ZNF469: variants seen among roughly 807,000 people sequenced by gnomAD.
ZNF469 encodes the protein zinc finger protein 469.
Under a neutral mutation model 1.0 loss-of-function variants are expected in ZNF469, and 1 was observed. The observed-to-expected ratio is 1.00, with a 90% confidence interval of 0.35 to 4.73. The LOEUF (loss-of-function observed/expected upper bound fraction) is 4.73. ZNF469 is among the 30% of genes most tolerant of loss of function. The probability of loss-of-function intolerance (pLI) is 0.16; values close to 1 mark genes in which losing one functional copy is unlikely to be tolerated. For synonymous variants in ZNF469, 2,703 were observed against 2,363.4 expected, an observed-to-expected ratio of 1.14 and a Z score of -4.17; for missense variants, 6,100 against 5,356.3, an observed-to-expected ratio of 1.14 and a Z score of -4.33.
the ZNF469 span, among the ~76,000 whole-genome samples, chr16:88,196,306 C>G: frequency 1.3e-5 from 2 of 152,310 alleles, no homozygotes; most frequent in East Asian, 3.9e-4. Context: ...TGGCCTGGGT[C>G]AGGTCAGGTG....
the ZNF469 span, among the ~76,000 whole-genome samples, chr16:88,332,851 G>A: frequency 3.3e-5 from 5 of 152,204 alleles, no homozygotes; most frequent in African/African-American, 1.2e-4. Context: ...TTTCACAGAC[G>A]AGAAGACCAA....
the ZNF469 span, among the ~76,000 whole-genome samples, chr16:88,112,647 G>C: frequency 6.6e-6 from 1 of 152,084 alleles, no homozygotes; most frequent in Non-Finnish European, 1.5e-5. Flanking sequence ...CTTTCCTATA[G>C]AGTTGTTTGA....
chr16:88,355,819 C>T, the ZNF469 span, among the ~76,000 whole-genome samples: 2 of 152,250 alleles, frequency 1.3e-5, no homozygotes, highest in East Asian at 1.9e-4. Flanking sequence ...GACCTGGACC[C>T]GAAAGAGGTG....
At chr16:88,343,306 T>A in the ZNF469 span, among the ~76,000 whole-genome samples, 25 of 152,114 alleles carry the variant, frequency 1.6e-4, no homozygotes, top group African/African-American at 5.3e-4. Context: ...AGAATAAACA[T>A]CCACGAGCCC....
the ZNF469 span, among the ~76,000 whole-genome samples, chr16:88,192,786 A>ATGGTGATGATGGTGGTGATG: frequency 6.6e-6 from 1 of 150,586 alleles, no homozygotes. Flanking sequence ...TGGTGGTGAT[A>ATGGTGATGATGGTGGTGATG]GTGGTGATGA....
the ZNF469 span, among the ~76,000 whole-genome samples, chr16:88,142,234 G>T: frequency 2.0e-5 from 3 of 152,300 alleles, no homozygotes; most frequent in South Asian, 2.1e-4. Flanking sequence ...CCGGCTGGGC[G>T]GGGGGTCTGG....
chr16:88,279,138 C>A, the ZNF469 span, among the ~76,000 whole-genome samples: 998 of 126,288 alleles, frequency 7.9e-3, 46 homozygotes, highest in African/African-American at 0.026. Context: ...TAGTGCTGCA[C>A]CACGCCGACA....
the ZNF469 span, among the ~76,000 whole-genome samples, chr16:88,241,379 T>C: frequency 4.6e-3 from 697 of 150,636 alleles, 6 homozygotes; most frequent in African/African-American, 0.016. This position sits in a 1 kb window ranked among gnomAD's most constrained non-coding sequence, Gnocchi z 4.8. Flanking sequence ...AAAAGCCCTA[T>C]TGTCACATGA....
At chr16:88,355,887 G>A in the ZNF469 span, among the ~76,000 whole-genome samples, 2 of 152,158 alleles carry the variant, frequency 1.3e-5, no homozygotes, top group African/African-American at 4.8e-5. Context: ...GCCCTCGGCG[G>A]CCGCCTCTTG....
chr16:88,207,418 G>T, the ZNF469 span, among the ~76,000 whole-genome samples: 1 of 140,438 alleles, frequency 7.1e-6, no homozygotes, highest in African/African-American at 2.6e-5. Flanking sequence ...GGGAGGCCGC[G>T]GGGACAGCGG....
chr16:88,176,399 G>C, the ZNF469 span, among the ~76,000 whole-genome samples: 14 of 149,898 alleles, frequency 9.3e-5, no homozygotes, highest in East Asian at 2.7e-3. Context: ...GGGGGAGCTG[G>C]CTGGGACACC....
the ZNF469 span, among the ~76,000 whole-genome samples, chr16:88,366,494 CCACCAT>C: frequency 0.1 from 15,650 of 150,368 alleles, 815 homozygotes; most frequent in Middle Eastern, 0.13. Flanking sequence ...ATCATCACCA[CCACCAT>C]CACCATCACT....
chr16:88,136,829 C>A, the ZNF469 span, among the ~76,000 whole-genome samples: 1 of 152,202 alleles, frequency 6.6e-6, no homozygotes, highest in African/African-American at 2.4e-5. Context: ...GAGCTCAGGT[C>A]GGTGCAGTTT....
chr16:88,342,755 G>T, the ZNF469 span, among the ~76,000 whole-genome samples: 1 of 152,260 alleles, frequency 6.6e-6, no homozygotes, highest in Non-Finnish European at 1.5e-5. Context: ...CCAGGTGGGA[G>T]AACGTGCATA....
At chr16:88,290,005 C>G in the ZNF469 span, among the ~76,000 whole-genome samples, 7 of 152,204 alleles carry the variant, frequency 4.6e-5, no homozygotes, top group Non-Finnish European at 7.3e-5. Flanking sequence ...TCTGTCTGGG[C>G]ACTACTTGGG....
the ZNF469 span, among the ~76,000 whole-genome samples, chr16:88,140,459 G>T: frequency 1.3e-5 from 2 of 151,508 alleles, no homozygotes; most frequent in Non-Finnish European, 2.9e-5. Context: ...CGTAGAAATC[G>T]GGGGGTAGCA....
chr16:88,274,909 C>G, the ZNF469 span, among the ~76,000 whole-genome samples: 1 of 152,252 alleles, frequency 6.6e-6, no homozygotes, highest in Admixed American at 6.5e-5. Flanking sequence ...CCCCAGGCAA[C>G]AGCCGAGCTG....
At chr16:88,180,984 A>G in the ZNF469 span, among the ~76,000 whole-genome samples, 1 of 152,230 alleles carries the variant, frequency 6.6e-6, no homozygotes, top group Non-Finnish European at 1.5e-5. Flanking sequence ...GGAAACCAGT[A>G]AGGATGTAGA....
At chr16:88,369,629 A>T in the ZNF469 span, among the ~76,000 whole-genome samples, 2 of 152,176 alleles carry the variant, frequency 1.3e-5, no homozygotes, top group East Asian at 3.8e-4. Context: ...CAGGTTCACA[A>T]AGTAGCCCCT....
Sources: allele counts gnomAD v4.1 joint callset (sites outside exome capture counted in the v4.1 genomes callset), GRCh38; gene constraint gnomAD v4.1.1; non-coding constraint Gnocchi (gnomAD v3.1); transcripts MANE v1.5; gene names NCBI Gene and HGNC (gene_info 2026-07-23, HGNC 2026-07-21).